The following YJU2B variants were observed in gnomAD, a reference collection of about 807,000 sequenced individuals.
YJU2B encodes the protein YJU2 splicing factor homolog B.
Under a neutral mutation model 38.0 loss-of-function variants are expected in YJU2B, and 18 were observed. The observed-to-expected ratio is 0.47, with a 90% CI of 0.33 to 0.70. YJU2B has a LOEUF of 0.70. Among genes scored for constraint, YJU2B ranks in the 30% least tolerant of loss-of-function variants. The probability of loss-of-function intolerance (pLI) is 0.02; values close to 1 mark genes in which losing one functional copy is unlikely to be tolerated. For synonymous variants in YJU2B, 246 were observed against 225.4 expected (o/e 1.09, Z -0.82); for missense variants, 538 against 556.3 (o/e 0.97, Z 0.33).
chr19:13,737,524 C>T (rs1359422273), intron 2 of YJU2B, among the ~76,000 whole-genome samples: 15 of 150,622 alleles, frequency 1.0e-4, no homozygotes, highest in African/African-American at 3.4e-4. Context: ...CGGTGGCTCA[C>T]ACCTGTAATC....
At chr19:13,756,166 C>T (rs772909878) in intron 3 of YJU2B, 31 bp from the exon 4 acceptor site, 2 of 1,581,032 alleles carry the variant, frequency 1.3e-6, no homozygotes, top group South Asian at 2.2e-5. Context: ...AGCTCAGCAG[C>T]ACTAATCCGC....
At chr19:13,732,631 A>G (rs1052604427) in intron 2 of YJU2B, 5 of 107,964 alleles carry the variant, frequency 4.6e-5, no homozygotes, top group African/African-American at 1.8e-4. Flanking sequence ...TTTTTTTGCG[A>G]CAGAGTCTCA....
At chr19:13,735,264 G>A (rs1348168880) in intron 2 of YJU2B, among the ~76,000 whole-genome samples, 1 of 152,096 alleles carries the variant, frequency 6.6e-6, no homozygotes, top group African/African-American at 2.4e-5. Context: ...GCAGTGAGCC[G>A]AGATTGCGCC....
At chr19:13,750,119 T>C (rs538355656) in intron 1 of YJU2B, among the ~76,000 whole-genome samples, 12 of 152,328 alleles carry the variant, frequency 7.9e-5, no homozygotes, top group African/African-American at 2.9e-4. Flanking sequence ...GTTAGGGATA[T>C]GGCACAGTGT....
upstream of YJU2B, among the ~76,000 whole-genome samples, chr19:13,745,752 T>G (rs866787576): frequency 6.6e-3 from 924 of 140,890 alleles, 3 homozygotes; most frequent in African/African-American, 0.018. Flanking sequence ...TAGATATATA[T>G]ATATATCAGG....
intron 1 of YJU2B, among the ~76,000 whole-genome samples, chr19:13,748,194 T>A (rs1441915612): frequency 6.6e-6 from 1 of 152,164 alleles, no homozygotes; most frequent in Non-Finnish European, 1.5e-5. Context: ...ATATTATGCC[T>A]GAAGGGTCCT....
rs754988717 is a variant in YJU2B at position 13,751,831 on chromosome 19, T to C, written c.3+20T>C. 4 of 1,613,808 alleles carry C rather than the reference T, an allele frequency of 2.5e-6. No homozygotes were observed. The highest frequency in any genetic ancestry group is 3.4e-6 in the Non-Finnish European group (4 of 1,179,688). On this transcript the variant is annotated intron_variant, in intron 2 of 9. Coordinates refer to ENST00000221554, the MANE Select transcript of YJU2B (RefSeq NM_030818.4). ...AAGATGGTGAGTAGACAGCCTCGTG[T>C]GCCCTGGGTTTCTCTCCCAGTCTTT...
chr19:13,760,248 C>T (rs573994263), intron 8 of YJU2B, among the ~76,000 whole-genome samples: 3 of 152,100 alleles, frequency 2.0e-5, no homozygotes, highest in African/African-American at 7.2e-5. Context: ...AATTTTATTT[C>T]TCATGGTTCT....
rs1188335830 is a variant in YJU2B, at chr19:13,751,780, A to G, written c.-29A>G. On this transcript the variant is annotated 5_prime_UTR_variant, in exon 2 of 10. Coordinates refer to ENST00000221554, the MANE Select transcript of YJU2B (RefSeq NM_030818.4). Reference sequence around the variant, plus strand: ...GGCCAGTTTCTGATCGTCCGCCCCGAGGCTGAGGACCAGTAGGCAGCTCCC... The same window carrying G: ...GGCCAGTTTCTGATCGTCCGCCCCGGGGCTGAGGACCAGTAGGCAGCTCCC... The G allele has an allele frequency of 6.2e-7, 1 of 1,613,944 alleles. No homozygotes were observed. Among genetic ancestry groups the G allele is most frequent in the South Asian group, 1.1e-5 (1 of 91,074 alleles).
intron 2 of YJU2B, among the ~76,000 whole-genome samples, chr19:13,734,384 G>C (rs993532947): frequency 6.6e-6 from 1 of 150,926 alleles, no homozygotes; most frequent in Non-Finnish European, 1.5e-5. Flanking sequence ...CTCTGCCACC[G>C]GGTTCAAGTG....
rs755753555 is a variant in YJU2B, at chr19:13,757,473, G to A, written c.196G>A (p.Gly66Ser). Residue 66 changes from glycine (G) to serine (S), a missense_variant and splice_region_variant, in exon 5 of 10, where the codon GGT becomes AGT. Gly to Ser is a moderately conservative substitution (Grantham distance 56). Coordinates refer to ENST00000221554, the MANE Select transcript of YJU2B (RefSeq NM_030818.4). ...CDGCKNHIGM[G>S]VRYNAEKKKV... ...TGGCTGCAAGAACCACATCGGCATG[G>A]GTGAGCCTCTGCCCACCCTCCATTC... The A allele has an allele frequency of 1.2e-6, 2 of 1,613,562 alleles. No homozygotes were observed. Among genetic ancestry groups the A allele is most frequent in the Admixed American group, 1.7e-5 (1 of 60,004 alleles).
At chr19:13,762,472 A>G (rs1247582797) in intron 9 of YJU2B, 35 bp downstream of exon 9, 9 of 1,605,252 alleles carry the variant, frequency 5.6e-6, no homozygotes, top group Non-Finnish European at 7.6e-6. Flanking sequence ...GGGGACAGGG[A>G]GGCTCAGAGT....
intron 4 of YJU2B, among the ~76,000 whole-genome samples, chr19:13,756,659 A>G (rs1973678586): frequency 6.6e-6 from 1 of 152,038 alleles, no homozygotes; most frequent in African/African-American, 2.4e-5. Context: ...CCTGGACTTG[A>G]TCACATAGGA....
intron 5 of YJU2B, 45 bp downstream of exon 5, chr19:13,757,518 C>T (rs773461190): frequency 6.4e-7 from 1 of 1,559,106 alleles, no homozygotes; most frequent in South Asian, 1.1e-5. Context: ...AACATCAGAC[C>T]CCCTAACTGC....
intron 2 of YJU2B, among the ~76,000 whole-genome samples, chr19:13,735,573 C>T (rs2071035915): frequency 6.6e-6 from 1 of 150,860 alleles, no homozygotes; most frequent in African/African-American, 2.4e-5. Flanking sequence ...CCCCTAAACA[C>T]ATCTTTTGGA....
intron 1 of YJU2B, among the ~76,000 whole-genome samples, chr19:13,749,682 G>A (rs1973383066): frequency 1.3e-5 from 2 of 149,574 alleles, no homozygotes; most frequent in African/African-American, 5.0e-5. Flanking sequence ...GCCCAGGCTG[G>A]AGTGTGGTGG....
intron 3 of YJU2B, among the ~76,000 whole-genome samples, chr19:13,755,505 C>T (rs1005115979): frequency 1.3e-5 from 2 of 151,740 alleles, no homozygotes; most frequent in African/African-American, 2.4e-5. Context: ...AAGTCCCCAG[C>T]GAATGTTTGC....
At chr19:13,750,526 C>T (rs887368890) in intron 1 of YJU2B, among the ~76,000 whole-genome samples, 12 of 151,878 alleles carry the variant, frequency 7.9e-5, no homozygotes, top group East Asian at 1.9e-4. Context: ...CGCACCTGGC[C>T]GGATGAGGTC....
chr19:13,739,657 G>A (rs1300409125), intron 2 of YJU2B, among the ~76,000 whole-genome samples: 11 of 152,050 alleles, frequency 7.2e-5, no homozygotes, highest in Non-Finnish European at 1.3e-4. Flanking sequence ...CTCCTCTCTA[G>A]GAACCCAAAG....
Sources: gnomAD v4.1 joint callset for allele counts (sites outside exome capture counted in the v4.1 genomes callset) on GRCh38, gnomAD v4.1.1 for gene constraint, MANE v1.5 for transcripts, NCBI Gene and HGNC (gene_info 2026-07-23, HGNC 2026-07-21) for gene names.